TACR3: variants seen among roughly 807,000 people sequenced by gnomAD.
TACR3 encodes tachykinin receptor 3.
In TACR3, 34 loss-of-function variants were observed where a neutral mutation model predicts 35.0. That is an observed-to-expected ratio of 0.97 (90% CI 0.74 to 1.30). The LOEUF is 1.30. Ranked by LOEUF, TACR3 falls within the 50% of genes most tolerant of loss-of-function variation. TACR3 has a pLI of 0.00. For synonymous variants in TACR3, 233 were observed against 221.1 expected (o/e 1.05, Z -0.48); for missense variants, 558 against 591.7 (o/e 0.94, Z 0.59).
At chr4:103,630,947 T>TA (rs1725043840) in intron 3 of TACR3, among the ~76,000 whole-genome samples, 1 of 152,156 alleles carries the variant, frequency 6.6e-6, no homozygotes, top group African/African-American at 2.4e-5. Context: ...CCATCAATGA[T>TA]AGACTGGATT....
chr4:103,666,323 G>A (rs1367650313), intron 1 of TACR3, among the ~76,000 whole-genome samples: 5 of 152,136 alleles, frequency 3.3e-5, no homozygotes, highest in African/African-American at 1.2e-4. Flanking sequence ...GGGAATGAGA[G>A]AAGGAAGTTG....
intron 1 of TACR3, among the ~76,000 whole-genome samples, chr4:103,667,645 C>G (rs77603323): frequency 0.12 from 18,026 of 151,990 alleles, 1,471 homozygotes; most frequent in East Asian, 0.43. Flanking sequence ...TGTAAAAATA[C>G]TAGTACACTA....
At chr4:103,679,943 G>A (rs1444230804) in intron 1 of TACR3, among the ~76,000 whole-genome samples, 1 of 151,702 alleles carries the variant, frequency 6.6e-6, no homozygotes, top group African/African-American at 2.4e-5. Flanking sequence ...GGAGTAGTTT[G>A]GTGTGATAAA....
At chr4:103,679,830 G>A (rs1726250328) in intron 1 of TACR3, among the ~76,000 whole-genome samples, 1 of 151,478 alleles carries the variant, frequency 6.6e-6, no homozygotes, top group African/African-American at 2.4e-5. Context: ...TAAAAGATTG[G>A]ATATCAATTA....
chr4:103,662,316 G>A (rs1725850579), intron 1 of TACR3, among the ~76,000 whole-genome samples: 1 of 151,632 alleles, frequency 6.6e-6, no homozygotes. Flanking sequence ...CACCTCCCAG[G>A]TTCAAGCAAT....
intron 1 of TACR3, among the ~76,000 whole-genome samples, chr4:103,671,242 A>AT (rs536690078): frequency 1.3e-4 from 20 of 151,586 alleles, no homozygotes; most frequent in African/African-American, 4.3e-4. Flanking sequence ...GCAGTTTTTA[A>AT]TTTTTTTTCT....
chr4:103,602,154 A>T (rs1414875113), intron 3 of TACR3, among the ~76,000 whole-genome samples: 1 of 152,100 alleles, frequency 6.6e-6, no homozygotes, highest in African/African-American at 2.4e-5. Context: ...CATCACTGAT[A>T]CCCTTTCTTC....
At chr4:103,617,617 T>C (rs1724689686) in intron 3 of TACR3, among the ~76,000 whole-genome samples, 1 of 152,190 alleles carries the variant, frequency 6.6e-6, no homozygotes, top group Non-Finnish European at 1.5e-5. Flanking sequence ...TAAGAATTGG[T>C]GTATGCTGCC....
rs1723849531 is a variant in TACR3 at position 103,589,707 on chromosome 4, T to G, written c.1373A>C (p.Tyr458Ser). Residue 458 changes from tyrosine to serine, a missense_variant, in exon 5 of 5, where the codon TAT (tyrosine) becomes TCT (serine). By Grantham distance (144) the Tyr-to-Ser change is moderately radical. Transcript: ENST00000304883. ...SATSSFISSP[Y>S]TSVDEYS ...TTAAGAATATTCATCCACAGAGGTA[T>G]AGGGTGAGCTTATGAAACTTGAAGT... 2 of 1,613,926 alleles carry G rather than the reference T, an allele frequency of 1.2e-6. No individual in the cohort carries two copies. The highest frequency in any genetic ancestry group is 2.2e-5 in the South Asian group (2 of 91,082).
At chr4:103,715,476 C>T (rs977542803) in intron 1 of TACR3, among the ~76,000 whole-genome samples, 5 of 152,122 alleles carry the variant, frequency 3.3e-5, no homozygotes, top group African/African-American at 1.2e-4. Context: ...CATTATGCTT[C>T]CTGTATAGCC....
Position 103,589,770 on chromosome 4 carries a change from T to A in TACR3, c.1310A>T (p.Asn437Ile), listed in dbSNP as rs1369187929. 3.7e-6 allele frequency: 6 copies of A among 1,614,022 alleles called. No homozygotes were observed. The East Asian group carries it at 1.1e-4, about 30-fold the overall frequency. ...TTTGGAATTCCTGCGAGAGCAGCCA[T>A]TGAAACTTGGGTCTCTTGGCGTTGC... ...KRATPRDPSF[N>I]GCSRRNSKSA... The change falls in exon 5 of 5, where the codon AAT becomes ATT. Residue 437 changes from asparagine to isoleucine, a missense_variant. By Grantham distance (149) the Asn-to-Ile change is moderately radical. Transcript: ENST00000304883.
chr4:103,719,793 CTG>C lies in TACR3; in HGVS notation c.-120_-119del. Reference sequence around the variant, plus strand: ...TTGGTGCCGGAGTCTTCAGATAAGACTGGAAGCTGAAAGATACTGCAATCCCT... The same window carrying C: ...TTGGTGCCGGAGTCTTCAGATAAGACGAAGCTGAAAGATACTGCAATCCCT... On this transcript the variant is annotated 5_prime_UTR_variant, in exon 1 of 5. Transcript: ENST00000304883. 8 of 1,327,160 alleles carry C rather than the reference CTG, an allele frequency of 6.0e-6. No homozygotes were observed. The highest frequency in any genetic ancestry group is 8.4e-6 in the Non-Finnish European group (8 of 957,824). The allele number at this position is 1,327,160 out of a possible 1,614,324, so 82.2% of individuals were successfully genotyped here.
At chr4:103,641,121 T>C (rs1725347318) in intron 3 of TACR3, among the ~76,000 whole-genome samples, 1 of 151,962 alleles carries the variant, frequency 6.6e-6, no homozygotes, top group South Asian at 2.1e-4. Context: ...TCTGCATGTG[T>C]ATACCCAAGG....
At chr4:103,673,182 T>G (rs1011312039) in intron 1 of TACR3, among the ~76,000 whole-genome samples, 1 of 152,308 alleles carries the variant, frequency 6.6e-6, no homozygotes, top group Admixed American at 6.5e-5. Context: ...TACCATTTGG[T>G]GTTCACTGGA....
chr4:103,688,314 T>A (rs948408671), intron 1 of TACR3, among the ~76,000 whole-genome samples: 11 of 152,138 alleles, frequency 7.2e-5, no homozygotes, highest in African/African-American at 2.7e-4. Flanking sequence ...AACCTACGCA[T>A]TGCCATTCAG....
chr4:103,697,439 T>C (rs1450719059), intron 1 of TACR3, among the ~76,000 whole-genome samples: 1 of 145,084 alleles, frequency 6.9e-6, no homozygotes, highest in Non-Finnish European at 1.5e-5. Flanking sequence ...TATTTATTTA[T>C]TTTGAGACGG....
chr4:103,701,486 A>G (rs1419363056), intron 1 of TACR3, among the ~76,000 whole-genome samples: 1 of 152,188 alleles, frequency 6.6e-6, no homozygotes, highest in East Asian at 1.9e-4. Context: ...AAGGTAATTT[A>G]TAGATTCAAT....
At chr4:103,603,013 C>T (rs1724248034) in intron 3 of TACR3, among the ~76,000 whole-genome samples, 1 of 152,222 alleles carries the variant, frequency 6.6e-6, no homozygotes, top group African/African-American at 2.4e-5. Context: ...GCAGGCAGGC[C>T]TCCTTGAGCT....
chr4:103,595,101 G>A (rs1042280213), intron 3 of TACR3, among the ~76,000 whole-genome samples: 2 of 152,104 alleles, frequency 1.3e-5, no homozygotes, highest in Non-Finnish European at 2.9e-5. Flanking sequence ...AAAGAAAAGA[G>A]CTCTTTGAAG....
Sources: allele counts gnomAD v4.1 joint callset (sites outside exome capture counted in the v4.1 genomes callset), GRCh38; gene constraint gnomAD v4.1.1; transcripts MANE v1.5; gene names NCBI Gene and HGNC (gene_info 2026-07-23, HGNC 2026-07-21).